PINK1: variants seen among roughly 807,000 people sequenced by gnomAD.
The protein encoded by PINK1 is serine/threonine-protein kinase PINK1, mitochondrial.
PINK1 carries 58 observed loss-of-function variants against 56.0 expected under a neutral mutation model. The ratio of observed to expected loss-of-function variants is 1.04; its 90% CI spans 0.84 to 1.29. The LOEUF (loss-of-function observed/expected upper bound fraction) is 1.29. PINK1 is among the 50% of genes most tolerant of loss of function. PINK1 has a pLI of 0.00. For synonymous variants in PINK1, 354 were observed against 339.3 expected, an observed-to-expected ratio of 1.04 and a Z score of -0.48; for missense variants, 745 against 777.9, an observed-to-expected ratio of 0.96 and a Z score of 0.50.
rs1557559212 is a variant in PINK1 at position 20,633,728 on chromosome 1, GC to G, written c.181del (p.Leu61SerfsTer46). On this transcript the variant is annotated frameshift_variant, in exon 1 of 8. Coordinates refer to ENST00000321556, the MANE Select transcript of PINK1 (RefSeq NM_032409.3). LOFTEE classifies it high-confidence loss of function. ...CGGGCGCGGAGCCTCGCAGGGTCGG[GC>G]TCGGGCTCCCTAACCGTCTCCGCTT... ...GPGAEPRRVG[L>X]GLPNRLRFFR... is the part of the protein sequence containing the mutation. 6.5e-7 allele frequency: 1 copy of G among 1,533,142 alleles called. No individual in the cohort carries two copies. Among genetic ancestry groups the G allele is most frequent in the African/African-American group, 1.4e-5 (1 of 72,766 alleles). The allele number at this position is 1,533,142 out of a possible 1,614,324, so 95.0% of individuals were successfully genotyped here. A position where few individuals can be genotyped will look rare whatever the true frequency, so the allele number is the denominator to read the frequency against.
chr1:20,644,154 G>C (rs1376341231), intron 3 of PINK1, among the ~76,000 whole-genome samples: 2 of 152,152 alleles, frequency 1.3e-5, no homozygotes, highest in Non-Finnish European at 2.9e-5. Flanking sequence ...CTCAGCCAAG[G>C]ACTTACAGTG....
At chr1:20,646,855 A>ATTAT (rs1313077213) in intron 5 of PINK1, among the ~76,000 whole-genome samples, 55 of 110,764 alleles carry the variant, frequency 5.0e-4, no homozygotes, top group Middle Eastern at 4.5e-3. Context: ...ACTGGCTTTT[A>ATTAT]TTATTTCTTT....
Position 20,644,505 on chromosome 1 carries a change from T to C in PINK1, c.792T>C (p.Gly264=), listed in dbSNP as rs1347378687. ...GAVTYRKSKR[G]PKQLAPHPNI... ...GGCTGACTAGAAAATCCAAGAGAGG[T>C]CCCAAGCAACTAGCCCCTCACCCCA... is the stretch of plus-strand genomic sequence containing the variant. Residue 264 remains glycine, a synonymous_variant, in exon 4 of 8, where the codon GGT becomes GGC. Coordinates refer to ENST00000321556, the MANE Select transcript of PINK1 (RefSeq NM_032409.3). 6.2e-7 allele frequency: 1 copy of C among 1,614,016 alleles called. No individual in the cohort carries two copies. Among genetic ancestry groups the C allele is most frequent in the Non-Finnish European group, 8.5e-7 (1 of 1,180,004 alleles).
rs774946874 is a variant in PINK1, at chr1:20,648,611, C to T, written c.1230C>T (p.Asn410=). The T allele has an allele frequency of 5.9e-5, 96 of 1,613,868 alleles. No homozygotes were observed. Among genetic ancestry groups the T allele is most frequent in the Non-Finnish European group, 5.8e-5 (68 of 1,180,052 alleles). Residue 410 remains asparagine, a synonymous_variant, in exon 6 of 8, where the codon AAC becomes AAT. Coordinates refer to ENST00000321556, the MANE Select transcript of PINK1 (RefSeq NM_032409.3). ...FSSWYVDRGG[N]GCLMAPEVST... ...GCTGGTACGTGGATCGGGGCGGAAA[C>T]GGCTGTCTGATGGCCCCAGAGGTGA...
chr1:20,642,875 C>G (rs965528041), intron 3 of PINK1: 2 of 152,116 alleles, frequency 1.3e-5, no homozygotes, highest in African/African-American at 2.4e-5. Context: ...TCCATGTTGC[C>G]CGGGCTGGCC....
chr1:20,639,610 C>T lies in PINK1; in HGVS notation c.676-282C>T, dbSNP rs112361579. 243 of 496,102 alleles carry T rather than the reference C, an allele frequency of 4.9e-4. 1 individual carries two copies. Among genetic ancestry groups the T allele is most frequent in the African/African-American group, 4.3e-3 (224 of 51,628 alleles). The allele number at this position is 496,102 out of a possible 1,614,324, so 30.7% of individuals were successfully genotyped here. A position where few individuals can be genotyped will look rare whatever the true frequency, so the allele number is the denominator to read the frequency against. On this transcript the variant is annotated intron_variant, in intron 2 of 7. Transcript: ENST00000321556. ...GAGGCACCGATGGCAGGAAGCAGCA[C>T]CCCATATCCTGATCACCTTGGCATC...
rs756943990 is a variant in PINK1, at chr1:20,650,718, C to T, written c.*27C>T. 5.0e-6 allele frequency: 8 copies of T among 1,609,666 alleles called. No homozygotes were observed. In the South Asian group the frequency reaches 8.8e-5, roughly 18 times the overall value. On this transcript the variant is annotated 3_prime_UTR_variant, in exon 8 of 8. Transcript: ENST00000321556. ...GTCCCTGCATGGAGCTGGTGAATTA[C>T]TAAAAGAACATGGCATCCTCTGTGT...
chr1:20,633,891 C>T lies in PINK1; in HGVS notation c.343C>T (p.Gln115Ter), dbSNP rs2053021566. 6.3e-7 allele frequency: 1 copy of T among 1,584,066 alleles called. No homozygotes were observed. Among genetic ancestry groups the T allele is most frequent in the East Asian group, 2.3e-5 (1 of 43,362 alleles). ...GLGLGLIEEK[Q>*]AESRRAVSAC... is the part of the protein sequence containing the mutation. ...AGGGCTGGGCCTCATCGAGGAAAAA[C>T]AGGCGGAGAGCCGGCGGGCGGTCTC... is the stretch of plus-strand genomic sequence containing the variant. Residue 115 changes from glutamine to a stop codon, truncating the protein, a stop_gained, in exon 1 of 8, where the codon CAG becomes TAG. Transcript: ENST00000321556. LOFTEE classifies it high-confidence loss of function.
In PINK1 at chr1:20,633,862, G is replaced by T. The variant is rs543071128; in HGVS notation, c.314G>T (p.Gly105Val). The T allele has an allele frequency of 3.4e-5, 54 of 1,578,076 alleles. 1 individual carries two copies. In the South Asian group the frequency reaches 6.0e-4, roughly 18 times the overall value. Residue 105 changes from glycine (G) to valine (V), a missense_variant, in exon 1 of 8, where the codon GGG becomes GTG. Physicochemically the swap from Gly to Val is moderately radical, Grantham distance 109 (BLOSUM62 -3). Transcript: ENST00000321556. ...GGCCGGGCAGTCTTTCTGGCCTTCG[G>T]GCTAGGGCTGGGCCTCATCGAGGAA... is the stretch of plus-strand genomic sequence containing the variant. ...PCGRAVFLAFGLGLGLIEEKQ... is the reference protein window; with the variant it reads ...PCGRAVFLAFVLGLGLIEEKQ...
chr1:20,637,209 G>A (rs1246911465), intron 1 of PINK1, among the ~76,000 whole-genome samples: 1 of 152,220 alleles, frequency 6.6e-6, no homozygotes, highest in African/African-American at 2.4e-5. Context: ...CTGAAGCAGG[G>A]GAAGACCCAC....
At chr1:20,649,705 C>T in intron 7 of PINK1, 1 of 165,992 alleles carries the variant, frequency 6.0e-6, no homozygotes, top group Middle Eastern at 3.1e-3. Flanking sequence ...GCAGAGGTTG[C>T]AGTGAGCCAA....
In PINK1 at chr1:20,637,879, C is replaced by G. The variant is rs775160272; in HGVS notation, c.425C>G (p.Pro142Arg). The G allele has an allele frequency of 2.5e-6, 4 of 1,614,172 alleles. No individual in the cohort carries two copies. In the South Asian group the frequency reaches 4.4e-5, roughly 18 times the overall value. Reference sequence around the variant, plus strand: ...CAGAAAAGCAAGCCGGGGCCTGACCCGTTGGACACGAGACGCTTGCAGGGC... The same window carrying G: ...CAGAAAAGCAAGCCGGGGCCTGACCGGTTGGACACGAGACGCTTGCAGGGC... ...FTQKSKPGPD[P>R]LDTRRLQGFR... The change falls in exon 2 of 8, where the codon CCG becomes CGG. Residue 142 changes from proline (P) to arginine (R), a missense_variant. Transcript: ENST00000321556.
At chr1:20,637,704 T>C (rs917666628) in intron 1 of PINK1, 138 bp from the exon 2 acceptor site, 143 of 932,574 alleles carry the variant, frequency 1.5e-4, no homozygotes, top group Non-Finnish European at 2.3e-4. Flanking sequence ...TAGAACCTGG[T>C]TGGGTTGTGT....
At chr1:20,649,504 C>T (rs2053237096) in intron 7 of PINK1, 2 of 451,516 alleles carry the variant, frequency 4.4e-6, no homozygotes, top group East Asian at 4.3e-5. Flanking sequence ...GTGGCTTACA[C>T]CTATAATCAC....
intron 1 of PINK1, among the ~76,000 whole-genome samples, chr1:20,636,120 T>A (rs2053053785): frequency 6.6e-6 from 1 of 151,956 alleles, no homozygotes; most frequent in East Asian, 1.9e-4. Context: ...TGAGCTGTAG[T>A]TGCAACACTG....
Position 20,650,263 on chromosome 1 carries a change from G to C in PINK1, c.1489-171G>C, listed in dbSNP as rs969627427. On this transcript the variant is annotated intron_variant, in intron 7 of 7. Transcript: ENST00000321556. ...GTACACATGGAAAAGCTTGGAGCAC[G>C]GGCAGGGGACAGGCAGTATTTGTCA... 14 of 833,974 alleles carry C rather than the reference G, an allele frequency of 1.7e-5. No individual in the cohort carries two copies. In the African/African-American group the frequency reaches 2.2e-4, roughly 13 times the overall value. 51.7% of individuals were successfully genotyped at this position (833,974 alleles called of 1,614,324 possible).
At position 20,648,995 on chromosome 1, in the gene PINK1, G is replaced by C. The variant is rs777895210; in HGVS notation, c.1252G>C (p.Val418Leu). The C allele has an allele frequency of 4.2e-5, 68 of 1,612,854 alleles. No individual in the cohort carries two copies. Among genetic ancestry groups the C allele is most frequent in the Non-Finnish European group, 5.4e-5 (64 of 1,180,018 alleles). Residue 418 changes from valine to leucine, a missense_variant and splice_region_variant, in exon 7 of 8, where the codon GTG becomes CTG. Physicochemically the swap from Val to Leu is conservative, Grantham distance 32. Transcript: ENST00000321556. ...TGTCTCACCCACTGCTTCTGAGCAGGTGTCCACGGCCCGTCCTGGCCCCAG... is the reference window on the plus strand; with the variant it reads ...TGTCTCACCCACTGCTTCTGAGCAGCTGTCCACGGCCCGTCCTGGCCCCAG... ...GGNGCLMAPE[V>L]STARPGPRAV...
In PINK1 at chr1:20,645,518, G is replaced by A. The variant is rs781588772; in HGVS notation, c.960-42G>A. ...AAAAAAAAAAAACGTATTGGGAGTC[G>A]TCGATGTGTGGTAGCCAGAGGCCCT... is the stretch of plus-strand genomic sequence containing the variant. On this transcript the variant is annotated intron_variant, in intron 4 of 7. Coordinates refer to ENST00000321556, the MANE Select transcript of PINK1 (RefSeq NM_032409.3). 62 of 1,580,354 alleles carry A rather than the reference G, an allele frequency of 3.9e-5. 1 individual carries two copies. The highest frequency in any genetic ancestry group is 3.9e-4 in the South Asian group (35 of 90,382).
intron 6 of PINK1, 179 bp from the exon 7 acceptor site, chr1:20,648,816 G>T: frequency 7.8e-7 from 1 of 1,279,238 alleles, no homozygotes. Flanking sequence ...GAGAATGCAA[G>T]TCCTGTCACA....
Sources: allele counts gnomAD v4.1 joint callset (sites outside exome capture counted in the v4.1 genomes callset), GRCh38; gene constraint gnomAD v4.1.1; transcripts MANE v1.5; gene names NCBI Gene and HGNC (gene_info 2026-07-23, HGNC 2026-07-21).